Variants in TNS3 observed in about 807,000 individuals in gnomAD.
TNS3 encodes the protein tensin-3.
A neutral mutation model predicts 140.9 loss-of-function variants in TNS3; 45 were observed. The ratio of observed to expected loss-of-function variants is 0.32; its 90% CI spans 0.25 to 0.41. TNS3 has a LOEUF of 0.41. Ranked by LOEUF, TNS3 falls within the 10% of genes least tolerant of loss-of-function variation. The pLI is 1.00. For missense variants in TNS3, 1,716 were observed against 1,906.7 expected, an observed-to-expected ratio of 0.90 and a Z score of 1.86; for synonymous variants, 815 against 788.4, an observed-to-expected ratio of 1.03 and a Z score of -0.56.
intron 8 of TNS3, among the ~76,000 whole-genome samples, chr7:47,428,948 A>G (rs1794796275): frequency 6.6e-6 from 1 of 152,130 alleles, no homozygotes; most frequent in African/African-American, 2.4e-5. Context: ...ACAGACACCA[A>G]CAGCCCAGCC....
chr7:47,283,741 G>A lies in TNS3; in HGVS notation c.4053C>T (p.Phe1351=). 6.2e-7 allele frequency: 1 copy of A among 1,605,158 alleles called. No homozygotes were observed. The highest frequency in any genetic ancestry group is 8.5e-7 in the Non-Finnish European group (1 of 1,175,898). The change falls in exon 28 of 31, where the codon TTC becomes TTT. Residue 1351 remains phenylalanine (F), a synonymous_variant. Transcript: ENST00000311160. The stretch of plus-strand genomic sequence containing the variant: ...GGGTGATGCCCTGGGCTGACACCTT[G>A]AAGTGCACAACTGTGGACACAGGTG... The part of the protein sequence containing the change: ...EPPPVSTVVH[F]KVSAQGITLT...
chr7:47,578,007 T>C (rs1584871912), intron 1 of TNS3, among the ~76,000 whole-genome samples: 2 of 151,278 alleles, frequency 1.3e-5, no homozygotes, highest in South Asian at 2.1e-4. Flanking sequence ...AGTAGACTAC[T>C]GCCTTCTAAA....
chr7:47,297,326 T>A, intron 23 of TNS3, 113 bp from the exon 24 acceptor site: 7 of 1,317,360 alleles, frequency 5.3e-6, no homozygotes, highest in Non-Finnish European at 7.2e-6. Flanking sequence ...ACTGGATCAG[T>A]GGGGACCTGG....
intron 20 of TNS3, among the ~76,000 whole-genome samples, chr7:47,329,875 T>C (rs902877900): frequency 1.3e-5 from 2 of 152,102 alleles, no homozygotes; most frequent in Non-Finnish European, 1.5e-5. Context: ...CCCACAGGGA[T>C]GGGCAGCAGG....
intron 27 of TNS3, among the ~76,000 whole-genome samples, chr7:47,288,459 A>G (rs1785532234): frequency 6.6e-6 from 1 of 152,264 alleles, no homozygotes; most frequent in Non-Finnish European, 1.5e-5. Context: ...ACATTTTTAA[A>G]AGGTGCAACT....
At chr7:47,508,538 G>A (rs1335604349) in intron 2 of TNS3, among the ~76,000 whole-genome samples, 1 of 152,190 alleles carries the variant, frequency 6.6e-6, no homozygotes, top group East Asian at 1.9e-4. Flanking sequence ...TCTGGCCTCT[G>A]GCTGAGTGAG....
chr7:47,332,357 G>T (rs1226654050), intron 20 of TNS3, among the ~76,000 whole-genome samples: 1 of 152,210 alleles, frequency 6.6e-6, no homozygotes, highest in Non-Finnish European at 1.5e-5. Flanking sequence ...TATATGCTGG[G>T]GCTTCATAAG....
chr7:47,329,179 G>A (rs1273467068), intron 20 of TNS3, among the ~76,000 whole-genome samples: 3 of 152,070 alleles, frequency 2.0e-5, no homozygotes, highest in East Asian at 1.9e-4. Flanking sequence ...TTAGAGACAC[G>A]GTACATTACT....
At chr7:47,380,142 T>C (rs962371460) in intron 16 of TNS3, among the ~76,000 whole-genome samples, 1 of 152,220 alleles carries the variant, frequency 6.6e-6, no homozygotes, top group Non-Finnish European at 1.5e-5. Context: ...GTGCTCCGAG[T>C]GGGGCTGTGG....
chr7:47,442,256 G>C lies in TNS3; in HGVS notation c.-75-201C>G, dbSNP rs546249753. ...GATTCAGCTCACCAGAGGACGCAGTGCCACTAACCAGCATCAGGACGGGCT... is the reference window on the plus strand; with the variant it reads ...GATTCAGCTCACCAGAGGACGCAGTCCCACTAACCAGCATCAGGACGGGCT... On this transcript the variant is annotated intron_variant, in intron 4 of 30. Transcript: ENST00000311160. 7.9e-5 allele frequency among the ~76,000 whole-genome samples: 12 copies of C among 152,302 alleles called. No homozygotes were observed. The East Asian group carries it at 2.1e-3, about 27-fold the overall frequency.
At position 47,283,698 on chromosome 7, in the gene TNS3, T is replaced by C; in HGVS notation, c.4096A>G (p.Lys1366Glu). 1 of 1,567,162 alleles carries C rather than the reference T, an allele frequency of 6.4e-7. No homozygotes were observed. Among genetic ancestry groups the C allele is most frequent in the Non-Finnish European group, 8.6e-7 (1 of 1,158,074 alleles). The change falls in exon 28 of 31, where the codon AAG becomes GAG. Residue 1366 changes from lysine (K) to glutamate (E), a missense_variant and splice_region_variant. Physicochemically the swap from Lys to Glu is moderately conservative, Grantham distance 56. This residue lies in a region of TNS3 where 216 missense variants were observed against 295.7 expected (regional missense o/e 0.73). Coordinates refer to ENST00000311160, the MANE Select transcript of TNS3 (RefSeq NM_022748.12). ...TCCTGCCTCCCTCTAGGCACTCACT[T>C]CCTCTGATTGTCTGTCAGGGTGATG... ...QGITLTDNQR[K>E]LFFRRHYPVN...
At chr7:47,334,144 C>T (rs375675876) in intron 20 of TNS3, among the ~76,000 whole-genome samples, 88 of 152,218 alleles carry the variant, frequency 5.8e-4, no homozygotes, top group African/African-American at 2.0e-3. Flanking sequence ...CCAATGAGGA[C>T]CACTTCACAT....
chr7:47,363,716 C>A (rs561122569), intron 17 of TNS3, among the ~76,000 whole-genome samples: 2 of 152,236 alleles, frequency 1.3e-5, no homozygotes, highest in East Asian at 3.9e-4. Flanking sequence ...TATGGTTTCC[C>A]CTTGTGAGCG....
intron 24 of TNS3, 100 bp from the exon 25 acceptor site, chr7:47,293,928 G>T: frequency 8.3e-6 from 9 of 1,081,496 alleles, no homozygotes; most frequent in Non-Finnish European, 1.2e-5. Context: ...AGTTGAAAAG[G>T]CTCTTCTCTG....
At chr7:47,507,272 G>A (rs545017814) in intron 2 of TNS3, among the ~76,000 whole-genome samples, 3 of 152,258 alleles carry the variant, frequency 2.0e-5, no homozygotes, top group East Asian at 3.9e-4. Context: ...GGGTATGTAC[G>A]TCCAGCCGAA....
intron 3 of TNS3, among the ~76,000 whole-genome samples, chr7:47,487,110 T>A (rs1468481606): frequency 6.6e-6 from 1 of 151,826 alleles, no homozygotes; most frequent in East Asian, 1.9e-4. Context: ...ACCAACCTGG[T>A]CAACATGGCA....
chr7:47,434,216 A>G (rs980716038), intron 8 of TNS3, among the ~76,000 whole-genome samples: 1 of 151,950 alleles, frequency 6.6e-6, no homozygotes, highest in African/African-American at 2.4e-5. Flanking sequence ...ATATACTGAG[A>G]GTCTAATATA....
At chr7:47,513,835 T>G (rs1304912154) in intron 2 of TNS3, among the ~76,000 whole-genome samples, 1 of 152,228 alleles carries the variant, frequency 6.6e-6, no homozygotes, top group Admixed American at 6.5e-5. Flanking sequence ...GCTCCACAGC[T>G]GACAGTCTGC....
At chr7:47,340,542 TTTTTGTTGTTG>T (rs1788940736) in intron 20 of TNS3, among the ~76,000 whole-genome samples, 2 of 152,064 alleles carry the variant, frequency 1.3e-5, no homozygotes, top group African/African-American at 4.8e-5. Context: ...ACAGTTTCAC[TTTTTGTTGTTG>T]TTTTGTTGTT....
Sources: allele counts gnomAD v4.1 joint callset (sites outside exome capture counted in the v4.1 genomes callset), GRCh38; gene constraint gnomAD v4.1.1; regional missense constraint gnomAD v4.1.1; transcripts MANE v1.5; gene names NCBI Gene and HGNC (gene_info 2026-07-23, HGNC 2026-07-21).